Variants in PCBP3 observed in about 807,000 individuals in gnomAD.
The protein encoded by PCBP3 is poly(rC)-binding protein 3.
A neutral mutation model predicts 52.7 loss-of-function variants in PCBP3; 25 were observed. That is an observed-to-expected ratio of 0.47 (90% CI 0.35 to 0.66). The LOEUF (loss-of-function observed/expected upper bound fraction) is 0.66. PCBP3 is among the 30% of genes least tolerant of loss of function. PCBP3 has a pLI of 0.01. For synonymous variants in PCBP3, 162 were observed against 183.0 expected, an observed-to-expected ratio of 0.89 and a Z score of 0.93; for missense variants, 391 against 490.3, an observed-to-expected ratio of 0.80 and a Z score of 1.91.
rs372592027 is a variant in PCBP3, at chr21:45,850,020, G to A, written c.-66G>A. 2.1e-5 allele frequency: 30 copies of A among 1,424,268 alleles called. No homozygotes were observed. The highest frequency in any genetic ancestry group is 2.9e-5 in the Non-Finnish European group (30 of 1,030,806). 88.2% of individuals were successfully genotyped at this position (1,424,268 alleles called of 1,614,324 possible). A position where few individuals can be genotyped will look rare whatever the true frequency, so the allele number is the denominator to read the frequency against. On this transcript the variant is annotated 5_prime_UTR_variant, in exon 5 of 18. An upstream start codon of the reference 5' UTR is lost. Coordinates refer to ENST00000681687, the MANE Select transcript of PCBP3 (RefSeq NM_001384156.1). The stretch of plus-strand genomic sequence containing the variant: ...GTAAATCACCTGCTGTGGTTATGAT[G>A]CTCTGAGTTCAATACGTCTGAACCT...
intron 11 of PCBP3, among the ~76,000 whole-genome samples, chr21:45,912,775 G>C (rs1288008924): frequency 1.3e-5 from 2 of 152,178 alleles, no homozygotes; most frequent in Non-Finnish European, 2.9e-5. Context: ...CCAGGAGCCG[G>C]GGAGGGCAGC....
At chr21:45,646,097 C>G (rs1316276124) in intron 1 of PCBP3, among the ~76,000 whole-genome samples, 8 of 89,012 alleles carry the variant, frequency 9.0e-5, no homozygotes, top group African/African-American at 1.5e-4. Flanking sequence ...CTCTCTCTCT[C>G]TCTCTCTCTC....
chr21:45,841,918 C>T (rs1202675295), intron 4 of PCBP3, among the ~76,000 whole-genome samples: 2 of 152,244 alleles, frequency 1.3e-5, no homozygotes, highest in Non-Finnish European at 2.9e-5. Flanking sequence ...TGTCTAGAGA[C>T]GCACAGCCTC....
intron 3 of PCBP3, among the ~76,000 whole-genome samples, chr21:45,738,126 T>C (rs1382089576): frequency 1.3e-5 from 2 of 152,192 alleles, no homozygotes; most frequent in African/African-American, 4.8e-5. Context: ...CCTAGCCCCA[T>C]GTAGGGGCTG....
At chr21:45,899,711 A>C in intron 7 of PCBP3, 89 bp downstream of exon 7, 2 of 951,450 alleles carry the variant, frequency 2.1e-6, no homozygotes. Context: ...GGTGGCACCC[A>C]GTAGGTGCGC....
Position 45,941,724 on chromosome 21 carries a change from C to A in PCBP3, c.*18C>A. On this transcript the variant is annotated 3_prime_UTR_variant, in exon 18 of 18. Coordinates refer to ENST00000681687, the MANE Select transcript of PCBP3 (RefSeq NM_001384156.1). ...CGCTGTAATCCTACCCAGCACCCTT[C>A]CCCCGCGTCACCCACCTGCCAGAGC... The A allele has an allele frequency of 6.3e-7, 1 of 1,595,794 alleles. No homozygotes were observed. The highest frequency in any genetic ancestry group is 8.5e-7 in the Non-Finnish European group (1 of 1,170,488).
At chr21:45,925,802 A>T (rs902111118) in intron 13 of PCBP3, among the ~76,000 whole-genome samples, 2 of 152,272 alleles carry the variant, frequency 1.3e-5, no homozygotes, top group Non-Finnish European at 2.9e-5. Context: ...CCTAAAACAT[A>T]GCTTTAAAAT....
chr21:45,713,918 A>C (rs1007050676), intron 2 of PCBP3, among the ~76,000 whole-genome samples: 1 of 152,240 alleles, frequency 6.6e-6, no homozygotes, highest in East Asian at 1.9e-4. Context: ...GCCTGTTGCC[A>C]GGACAGCTAG....
chr21:45,814,029 G>A (rs1021570501), intron 4 of PCBP3, among the ~76,000 whole-genome samples: 1 of 152,200 alleles, frequency 6.6e-6, no homozygotes, highest in Non-Finnish European at 1.5e-5. Flanking sequence ...AGCTGGTGCA[G>A]CCCACTACAC....
At chr21:45,698,414 C>T (rs1396399358) in intron 2 of PCBP3, among the ~76,000 whole-genome samples, 1 of 152,242 alleles carries the variant, frequency 6.6e-6, no homozygotes, top group African/African-American at 2.4e-5. Context: ...GCTACCAGGA[C>T]AGGGCTTTTC....
intron 4 of PCBP3, among the ~76,000 whole-genome samples, chr21:45,786,828 A>C (rs1039478382): frequency 6.6e-6 from 1 of 152,232 alleles, no homozygotes; most frequent in Non-Finnish European, 1.5e-5. Flanking sequence ...ACAGAATAAT[A>C]GTCATTAAAA....
At chr21:45,646,009 C>G (rs1443600440) in intron 1 of PCBP3, among the ~76,000 whole-genome samples, 2 of 150,718 alleles carry the variant, frequency 1.3e-5, no homozygotes, top group Admixed American at 1.3e-4. Context: ...AGAGGCAAGG[C>G]GTCATGGGCC....
chr21:45,696,553 G>A (rs2082788865), intron 2 of PCBP3, among the ~76,000 whole-genome samples: 1 of 152,176 alleles, frequency 6.6e-6, no homozygotes, highest in African/African-American at 2.4e-5. Context: ...AGCACTTTGG[G>A]AGGCAGAGGT....
chr21:45,684,737 C>T (rs2082053521), intron 2 of PCBP3, among the ~76,000 whole-genome samples: 1 of 152,182 alleles, frequency 6.6e-6, no homozygotes, highest in Non-Finnish European at 1.5e-5. Flanking sequence ...TGAGCCAAAA[C>T]ACCTCTTTTC....
chr21:45,851,222 G>C (rs1458115218), intron 5 of PCBP3, among the ~76,000 whole-genome samples: 3 of 152,224 alleles, frequency 2.0e-5, no homozygotes, highest in African/African-American at 7.2e-5. Flanking sequence ...TTTGGTTAAA[G>C]AAAGTGGAAG....
intron 13 of PCBP3, among the ~76,000 whole-genome samples, chr21:45,929,214 G>A (rs920012145): frequency 1.3e-5 from 2 of 152,222 alleles, no homozygotes; most frequent in African/African-American, 4.8e-5. Flanking sequence ...GGGGCAGCCT[G>A]CAGGGACCGG....
At chr21:45,711,409 C>T (rs1414120394) in intron 2 of PCBP3, among the ~76,000 whole-genome samples, 1 of 152,278 alleles carries the variant, frequency 6.6e-6, no homozygotes, top group South Asian at 2.1e-4. Context: ...TAACTTGAAT[C>T]CATTGCCACA....
intron 4 of PCBP3, among the ~76,000 whole-genome samples, chr21:45,781,430 G>A (rs564622691): frequency 6.6e-6 from 1 of 152,308 alleles, no homozygotes; most frequent in South Asian, 2.1e-4. Context: ...CAGCGTCATT[G>A]TCATCAAGGA....
intron 4 of PCBP3, among the ~76,000 whole-genome samples, chr21:45,820,277 C>G (rs1007674695): frequency 2.0e-5 from 3 of 152,280 alleles, no homozygotes; most frequent in African/African-American, 7.2e-5. Flanking sequence ...GTGGGCACCA[C>G]GGGCCAGCAC....
Sources: gnomAD v4.1 joint callset for allele counts (sites outside exome capture counted in the v4.1 genomes callset) on GRCh38, gnomAD v4.1.1 for gene constraint, MANE v1.5 for transcripts, NCBI Gene and HGNC (gene_info 2026-07-23, HGNC 2026-07-21) for gene names.